NFIB: variants seen among roughly 807,000 people sequenced by gnomAD.
NFIB encodes the protein nuclear factor 1 B-type.
In NFIB, 11 loss-of-function variants were observed where a neutral mutation model predicts 61.5. The ratio of observed to expected loss-of-function variants is 0.18; its 90% CI spans 0.11 to 0.30. The LOEUF is 0.30. Ranked by LOEUF, NFIB falls within the 10% of genes least tolerant of loss-of-function variation. NFIB has a pLI of 1.00. For missense variants in NFIB, 471 were observed against 608.9 expected (o/e 0.77, Z 2.38); for synonymous variants, 260 against 216.5 (o/e 1.20, Z -1.76).
chr9:14,285,266 G>A (rs2082617513), intron 2 of NFIB, among the ~76,000 whole-genome samples: 1 of 152,062 alleles, frequency 6.6e-6, no homozygotes, highest in African/African-American at 2.4e-5. Context: ...GGGATTATAG[G>A]TGCACACCAC....
At chr9:14,432,128 C>G in the NFIB span, among the ~76,000 whole-genome samples, 1 of 152,176 alleles carries the variant, frequency 6.6e-6, no homozygotes, top group South Asian at 2.1e-4. Flanking sequence ...TTGATTGGTC[C>G]AGTGATGGAC....
chr9:14,268,903 G>A (rs573146612), intron 2 of NFIB, among the ~76,000 whole-genome samples: 2 of 152,052 alleles, frequency 1.3e-5, no homozygotes, highest in Admixed American at 6.5e-5. Flanking sequence ...GACGGCTTTG[G>A]GTTTCAATTG....
chr9:14,352,600 C>G (rs1279027661), intron 1 of NFIB, among the ~76,000 whole-genome samples: 2 of 152,214 alleles, frequency 1.3e-5, no homozygotes, highest in African/African-American at 2.4e-5. Flanking sequence ...TGCAATTGGA[C>G]AAGCAAGTGT....
upstream of NFIB, among the ~76,000 whole-genome samples, chr9:14,400,416 T>G (rs1424394527): frequency 6.6e-6 from 1 of 152,134 alleles, no homozygotes; most frequent in Non-Finnish European, 1.5e-5. Context: ...AAGCTACATG[T>G]TTTTCCCGTT....
intron 2 of NFIB, among the ~76,000 whole-genome samples, chr9:14,220,885 A>ACACC (rs1165598223): frequency 9.8e-5 from 14 of 143,024 alleles, no homozygotes; most frequent in African/African-American, 3.2e-4. Flanking sequence ...ACACACACAC[A>ACACC]CCACATCCCA....
chr9:14,254,921 C>G (rs76951570), intron 2 of NFIB, among the ~76,000 whole-genome samples: 2 of 152,230 alleles, frequency 1.3e-5, no homozygotes, highest in East Asian at 3.9e-4. Flanking sequence ...AAGCTACAAG[C>G]TTTAAAGTAT....
intron 2 of NFIB, among the ~76,000 whole-genome samples, chr9:14,246,475 C>A (rs1369797341): frequency 6.6e-6 from 1 of 152,188 alleles, no homozygotes; most frequent in Non-Finnish European, 1.5e-5. Context: ...TGCTGAAGTC[C>A]TTCCTAATCA....
chr9:14,259,710 G>A (rs1033351656), intron 2 of NFIB, among the ~76,000 whole-genome samples: 3 of 152,074 alleles, frequency 2.0e-5, no homozygotes, highest in Non-Finnish European at 2.9e-5. Context: ...AGACCAGCGT[G>A]GGAAACATGG....
chr9:14,424,647 T>C, the NFIB span, among the ~76,000 whole-genome samples: 1 of 152,158 alleles, frequency 6.6e-6, no homozygotes, highest in African/African-American at 2.4e-5. Flanking sequence ...TCCCCAGTTA[T>C]TGTTCACTGC....
chr9:14,508,395 A>G, the NFIB span, among the ~76,000 whole-genome samples: 2 of 152,142 alleles, frequency 1.3e-5, no homozygotes, highest in African/African-American at 4.8e-5. Flanking sequence ...CTTTTGGGAA[A>G]TTTCAATGTC....
intron 3 of NFIB, among the ~76,000 whole-genome samples, chr9:14,158,110 CAAAAA>C (rs372875773): frequency 1.6e-5 from 1 of 64,378 alleles, no homozygotes. Flanking sequence ...GACTCCATCT[CAAAAA>C]AAAAAAAAAA....
chr9:14,421,084 CA>C, the NFIB span, among the ~76,000 whole-genome samples: 7,329 of 135,748 alleles, frequency 0.054, 189 homozygotes, highest in East Asian at 0.072. Context: ...GGATCTTTGG[CA>C]AAAAAAAAAA....
the NFIB span, among the ~76,000 whole-genome samples, chr9:14,424,701 C>T: frequency 2.0e-5 from 3 of 152,162 alleles, no homozygotes; most frequent in African/African-American, 7.2e-5. Context: ...GACTCAGAGG[C>T]AGAGCTCCGA....
intron 2 of NFIB, among the ~76,000 whole-genome samples, chr9:14,253,674 T>A (rs986134150): frequency 6.6e-5 from 10 of 152,178 alleles, no homozygotes; most frequent in Admixed American, 2.0e-4. Context: ...CCAAAAATAA[T>A]TTTTTAATAA....
chr9:14,300,126 C>T (rs2059671044), intron 2 of NFIB: 1 of 398,170 alleles, frequency 2.5e-6, no homozygotes, highest in African/African-American at 2.1e-5. Context: ...GTTAAATTAA[C>T]CGCATCACAA....
At chr9:14,466,571 G>A in the NFIB span, among the ~76,000 whole-genome samples, 1 of 152,128 alleles carries the variant, frequency 6.6e-6, no homozygotes, top group South Asian at 2.1e-4. Context: ...ACAGTCGGAA[G>A]CTAGGAGCTC....
At chr9:14,413,393 T>C in the NFIB span, among the ~76,000 whole-genome samples, 3 of 152,172 alleles carry the variant, frequency 2.0e-5, no homozygotes, top group African/African-American at 7.2e-5. Flanking sequence ...TTAGAGGGAA[T>C]ACATAGCACT....
intron 10 of NFIB, chr9:14,096,300 T>G (rs1275846990): frequency 6.6e-6 from 1 of 152,180 alleles, no homozygotes; most frequent in African/African-American, 2.4e-5. Context: ...CCCTCTCCAG[T>G]AGCGCTGCCA....
the NFIB span, among the ~76,000 whole-genome samples, chr9:14,520,429 T>A: frequency 0.045 from 6,847 of 152,264 alleles, 469 homozygotes; most frequent in African/African-American, 0.15. Flanking sequence ...GCACCCAACC[T>A]GTCCTTCTTC....
Sources: gnomAD v4.1 joint callset for allele counts (sites outside exome capture counted in the v4.1 genomes callset) on GRCh38, gnomAD v4.1.1 for gene constraint, MANE v1.5 for transcripts, NCBI Gene and HGNC (gene_info 2026-07-23, HGNC 2026-07-21) for gene names.